ARHGAP8: variants seen among roughly 807,000 people sequenced by gnomAD.
ARHGAP8 encodes Rho GTPase activating protein 8, also known as rho GTPase-activating protein 8.
ARHGAP8 carries 62 observed loss-of-function variants against 46.1 expected under a neutral mutation model. That is an observed-to-expected ratio of 1.34 (90% CI 1.10 to 1.66). ARHGAP8 has a LOEUF of 1.66. ARHGAP8 is among the 40% of genes most tolerant of loss of function. The probability of loss-of-function intolerance (pLI) is 0.00; values close to 1 mark genes in which losing one functional copy is unlikely to be tolerated. For missense variants in ARHGAP8, 923 were observed against 568.4 expected (o/e 1.62, Z -6.34); for synonymous variants, 375 against 243.1 (o/e 1.54, Z -5.05).
intron 1 of ARHGAP8, among the ~76,000 whole-genome samples, chr22:44,772,607 T>C (rs1443637151): frequency 6.6e-6 from 1 of 152,108 alleles, no homozygotes; most frequent in Non-Finnish European, 1.5e-5. Flanking sequence ...AGATTGTTTA[T>C]GTCTCTGTTC....
At chr22:44,830,314 G>A (rs945796768) in intron 7 of ARHGAP8, among the ~76,000 whole-genome samples, 1 of 151,654 alleles carries the variant, frequency 6.6e-6, no homozygotes, top group Non-Finnish European at 1.5e-5. Flanking sequence ...GTGAGCCACT[G>A]CACCCGGCTG....
intron 1 of ARHGAP8, among the ~76,000 whole-genome samples, chr22:44,772,838 G>T (rs1187080224): frequency 1.4e-5 from 2 of 139,292 alleles, no homozygotes; most frequent in African/African-American, 2.7e-5. Flanking sequence ...TTGAGACACG[G>T]TCTCTTCCCA....
chr22:44,838,227 T>C (rs1406534352), intron 7 of ARHGAP8, among the ~76,000 whole-genome samples: 1 of 150,746 alleles, frequency 6.6e-6, no homozygotes, highest in Non-Finnish European at 1.5e-5. Context: ...AACCTCCGCC[T>C]CCCGGGTTCA....
intron 7 of ARHGAP8, among the ~76,000 whole-genome samples, chr22:44,831,320 C>A (rs948405581): frequency 6.6e-6 from 1 of 152,108 alleles, no homozygotes; most frequent in Non-Finnish European, 1.5e-5. Context: ...GTCTTTGATA[C>A]ATTTTGAGTA....
chr22:44,767,842 C>T (rs1220876347), intron 1 of ARHGAP8, among the ~76,000 whole-genome samples: 1 of 147,006 alleles, frequency 6.8e-6, no homozygotes, highest in Non-Finnish European at 1.5e-5. Context: ...CACTGCACTC[C>T]AGCCTGGGCG....
intron 4 of ARHGAP8, among the ~76,000 whole-genome samples, chr22:44,809,961 G>C (rs1929219324): frequency 6.6e-6 from 1 of 152,146 alleles, no homozygotes; most frequent in South Asian, 2.1e-4. Context: ...TATGTCTTAG[G>C]GAAAGAATTG....
intron 10 of ARHGAP8, among the ~76,000 whole-genome samples, chr22:44,854,012 GA>G (rs956457913): frequency 7.2e-5 from 8 of 111,244 alleles, no homozygotes; most frequent in Admixed American, 3.6e-4. Context: ...GGGACACAGC[GA>G]GACTCTGTCT....
chr22:44,787,025 G>A, intron 2 of ARHGAP8, among the ~76,000 whole-genome samples: 1 of 44,204 alleles, frequency 2.3e-5, no homozygotes, highest in South Asian at 9.8e-4. Context: ...GTGAGACCCT[G>A]TCTCAAAAAA....
At chr22:44,785,121 A>G (rs925962478) in intron 1 of ARHGAP8, among the ~76,000 whole-genome samples, 1 of 152,118 alleles carries the variant, frequency 6.6e-6, no homozygotes, top group Non-Finnish European at 1.5e-5. Context: ...TCCCTCCTCG[A>G]TGGGGTGTTG....
chr22:44,791,560 C>T (rs993376802), intron 2 of ARHGAP8, among the ~76,000 whole-genome samples: 13 of 152,136 alleles, frequency 8.5e-5, no homozygotes, highest in Admixed American at 5.9e-4. Flanking sequence ...ACAAATTAGC[C>T]GGGCGTGATG....
chr22:44,765,645 G>A (rs551091564), intron 1 of ARHGAP8, among the ~76,000 whole-genome samples: 1 of 152,266 alleles, frequency 6.6e-6, no homozygotes, highest in South Asian at 2.1e-4. Context: ...AGGTTTGAGT[G>A]GCATGACAGG....
intron 1 of ARHGAP8, among the ~76,000 whole-genome samples, chr22:44,764,743 AGT>A (rs1925419204): frequency 6.6e-6 from 1 of 152,220 alleles, no homozygotes; most frequent in Admixed American, 6.5e-5. Context: ...GAGAAACCTG[AGT>A]GTGCGGAAAA....
chr22:44,800,100 C>CTTT (rs769010356), intron 2 of ARHGAP8, among the ~76,000 whole-genome samples: 109 of 92,536 alleles, frequency 1.2e-3, no homozygotes, highest in African/African-American at 4.0e-3. Context: ...TCTGTTCTGT[C>CTTT]TTTTTTTTTT....
Position 44,862,532 on chromosome 22 carries a change from C to T in ARHGAP8, c.1239C>T (p.Ala413=), listed in dbSNP as rs1237065066. ...PLQEAVPRTQ[A]TGLTKPTLPP... Reference sequence around the variant, plus strand: ...AGGAGGCTGTGCCACGGACACAAGCCACGGGCCTCACCAAGCCTACCCTAC... The same window carrying T: ...AGGAGGCTGTGCCACGGACACAAGCTACGGGCCTCACCAAGCCTACCCTAC... The change falls in exon 12 of 12, where the codon GCC becomes GCT. Residue 413 remains alanine, a synonymous_variant. Coordinates refer to ENST00000356099, the MANE Select transcript of ARHGAP8 (RefSeq NM_181335.3). 2 of 1,609,918 alleles carry T rather than the reference C, an allele frequency of 1.2e-6. No homozygotes were observed. The highest frequency in any genetic ancestry group is 1.3e-5 in the African/African-American group (1 of 74,842).
At position 44,859,449 on chromosome 22, in the gene ARHGAP8, A is replaced by G. The variant is rs377559527; in HGVS notation, c.878-282A>G. Among the ~76,000 whole-genome samples, 4 of 152,306 alleles carry G rather than the reference A, an allele frequency of 2.6e-5. 1 individual carries two copies. The highest frequency in any genetic ancestry group is 9.6e-5 in the African/African-American group (4 of 41,556). ...TGGAAGCCTCCTGAGGCTTCTCCAG[A>G]AGCTGAACAGGTGCTGGTGCCATGC... is the stretch of plus-strand genomic sequence containing the variant. On this transcript the variant is annotated intron_variant, in intron 10 of 11. Transcript: ENST00000356099.
At position 44,862,260 on chromosome 22, in the gene ARHGAP8, T is replaced by C. The variant is rs753768914; in HGVS notation, c.982-15T>C. 3 of 1,576,514 alleles carry C rather than the reference T, an allele frequency of 1.9e-6. No homozygotes were observed. The highest frequency in any genetic ancestry group is 1.7e-5 in the Admixed American group (1 of 58,086). Reference sequence around the variant, plus strand: ...TGGTGTTCACTCCCCTTTACTTGTGTGTGGTTTCCTCCAGGTGTCCCGGGA... The same window carrying C: ...TGGTGTTCACTCCCCTTTACTTGTGCGTGGTTTCCTCCAGGTGTCCCGGGA... On this transcript the variant is annotated splice_polypyrimidine_tract_variant and intron_variant, in intron 11 of 11. Coordinates refer to ENST00000356099, the MANE Select transcript of ARHGAP8 (RefSeq NM_181335.3).
At chr22:44,838,462 CAG>C (rs923497776) in intron 7 of ARHGAP8, among the ~76,000 whole-genome samples, 2 of 152,124 alleles carry the variant, frequency 1.3e-5, no homozygotes, top group Non-Finnish European at 2.9e-5. Context: ...GTAGTAGAAA[CAG>C]GGTTTCTCCA....
intron 1 of ARHGAP8, among the ~76,000 whole-genome samples, chr22:44,784,823 G>A (rs1298510061): frequency 1.3e-5 from 2 of 152,196 alleles, no homozygotes; most frequent in Non-Finnish European, 2.9e-5. Flanking sequence ...GGTCCTCACT[G>A]CCGGAAAGTG....
rs560588222 is a variant in ARHGAP8, at chr22:44,799,749, C to T, written c.80-2328C>T. Among the ~76,000 whole-genome samples, 23 of 149,530 alleles carry T rather than the reference C, an allele frequency of 1.5e-4. No individual in the cohort carries two copies. The East Asian group carries it at 2.0e-3, about 13-fold the overall frequency. ...TGAAGAAGCTGTGGGTTCTGGGAAG[C>T]GGGGCGGCCCATCTGTTCTCCGTGT... On this transcript the variant is annotated intron_variant, in intron 2 of 11. Transcript: ENST00000356099.
Sources: gnomAD v4.1 joint callset for allele counts (sites outside exome capture counted in the v4.1 genomes callset) on GRCh38, gnomAD v4.1.1 for gene constraint, MANE v1.5 for transcripts, NCBI Gene and HGNC (gene_info 2026-07-23, HGNC 2026-07-21) for gene names.